SENP5: variants seen among roughly 807,000 people sequenced by gnomAD.
SENP5 encodes the protein sentrin-specific protease 5.
In SENP5, 21 loss-of-function variants were observed where a neutral mutation model predicts 74.2. The observed-to-expected ratio is 0.28, with a 90% CI of 0.20 to 0.41. The LOEUF (loss-of-function observed/expected upper bound fraction) is 0.41, where lower values mean the gene tolerates loss of function less well. SENP5 is among the 10% of genes least tolerant of loss of function. SENP5 has a pLI of 1.00. For missense variants in SENP5, 717 were observed against 889.1 expected (o/e 0.81, Z 2.46); for synonymous variants, 311 against 312.7 (o/e 0.99, Z 0.06).
chr3:196,873,133 G>A (rs1577787961), intron 1 of SENP5, among the ~76,000 whole-genome samples: 1 of 148,474 alleles, frequency 6.7e-6, no homozygotes, highest in African/African-American at 2.5e-5. Flanking sequence ...GAGTGCAGTG[G>A]CGTGAACTTG....
At chr3:196,898,047 G>A (rs1028877299) in intron 2 of SENP5, among the ~76,000 whole-genome samples, 20 of 151,330 alleles carry the variant, frequency 1.3e-4, no homozygotes, top group African/African-American at 4.6e-4. Flanking sequence ...GCGTGGTGGC[G>A]GGCGCCTGTA....
chr3:196,907,131 T>G (rs1714932781), intron 6 of SENP5, among the ~76,000 whole-genome samples: 1 of 152,084 alleles, frequency 6.6e-6, no homozygotes, highest in Non-Finnish European at 1.5e-5. Context: ...AAATTTAAAA[T>G]GTACAGTCAT....
At chr3:196,869,274 G>T (rs1463666706) in intron 1 of SENP5, among the ~76,000 whole-genome samples, 1 of 151,858 alleles carries the variant, frequency 6.6e-6, no homozygotes, top group Non-Finnish European at 1.5e-5. Flanking sequence ...GATCTTTTCA[G>T]CTCACTGCAA....
chr3:196,908,218 T>G, intron 6 of SENP5, among the ~76,000 whole-genome samples: 1 of 152,158 alleles, frequency 6.6e-6, no homozygotes, highest in East Asian at 1.9e-4. Context: ...AGGTCGAGGC[T>G]GCAGTGAACC....
intron 5 of SENP5, among the ~76,000 whole-genome samples, chr3:196,901,107 G>A (rs543350852): frequency 3.4e-5 from 5 of 148,516 alleles, no homozygotes; most frequent in African/African-American, 7.5e-5. Flanking sequence ...GTGTAGTGGC[G>A]TGGTCTTGGC....
chr3:196,929,684 G>A lies in SENP5; in HGVS notation c.2157+1G>A. ...TGACTGTGGAGTCTTTGTGCTCCAG[G>A]TAAAGAAACACTTGCTTTTCGGAAC... On this transcript the variant is annotated splice_donor_variant, in intron 9 of 9. Transcript: ENST00000323460. LOFTEE classifies it high-confidence loss of function. 6.2e-7 allele frequency: 1 copy of A among 1,605,456 alleles called. No individual in the cohort carries two copies.
chr3:196,903,398 C>A, intron 5 of SENP5, 135 bp from the exon 6 acceptor site: 1 of 535,822 alleles, frequency 1.9e-6, no homozygotes. Flanking sequence ...CCTCCTCAAT[C>A]ATTGTTTTTA....
Position 196,931,975 on chromosome 3 carries a change from G to T in SENP5, c.*1052G>T, listed in dbSNP as rs115784375. The T allele has an allele frequency of 9.2e-3, 4,109 of 446,092 alleles. 100 individuals are homozygous for T. The highest frequency in any genetic ancestry group is 0.062 in the African/African-American group (3,044 of 49,428). The allele number at this position is 446,092 out of a possible 1,614,324, so 27.6% of individuals were successfully genotyped here. ...TTAGTCCCATGGGAGCGCAGCAACC[G>T]TGTCAGGTTCTTTCTCCTGTCCCAT... On this transcript the variant is annotated 3_prime_UTR_variant, in exon 10 of 10. Coordinates refer to ENST00000323460, the MANE Select transcript of SENP5 (RefSeq NM_152699.5).
chr3:196,914,564 TAAAAAA>T (rs34724979), intron 6 of SENP5: 31 of 26,340 alleles, frequency 1.2e-3, no homozygotes, highest in African/African-American at 3.4e-3. Context: ...AGGTTTGCTT[TAAAAAA>T]AAAAAAAAAA....
chr3:196,884,337 C>G (rs2108815192), intron 1 of SENP5, among the ~76,000 whole-genome samples: 1 of 152,318 alleles, frequency 6.6e-6, no homozygotes, highest in South Asian at 2.1e-4. Flanking sequence ...CACAAGCATA[C>G]ACACATATAC....
At chr3:196,924,867 A>G (rs1715754127) in intron 7 of SENP5, among the ~76,000 whole-genome samples, 1 of 152,246 alleles carries the variant, frequency 6.6e-6, no homozygotes, top group African/African-American at 2.4e-5. Flanking sequence ...GAATAGCTAA[A>G]TACACTATGG....
chr3:196,915,964 T>C (rs914310497), intron 6 of SENP5, among the ~76,000 whole-genome samples: 1 of 152,076 alleles, frequency 6.6e-6, no homozygotes, highest in Non-Finnish European at 1.5e-5. Flanking sequence ...AAGTCCAAAC[T>C]GTGAAGATAG....
intron 1 of SENP5, among the ~76,000 whole-genome samples, chr3:196,871,725 C>G (rs910257463): frequency 1.3e-5 from 2 of 151,726 alleles, no homozygotes; most frequent in Non-Finnish European, 2.9e-5. Flanking sequence ...CATGGTGGCA[C>G]ACACTCGTAC....
chr3:196,874,004 G>GT (rs1015305946), intron 1 of SENP5, among the ~76,000 whole-genome samples: 14 of 151,694 alleles, frequency 9.2e-5, no homozygotes, highest in Admixed American at 2.6e-4. Context: ...TGCCTGGCTG[G>GT]TTTTTTCTTT....
intron 2 of SENP5, among the ~76,000 whole-genome samples, chr3:196,889,594 A>G (rs1328767060): frequency 6.6e-6 from 1 of 152,230 alleles, no homozygotes; most frequent in Non-Finnish European, 1.5e-5. Flanking sequence ...AAGAATATCA[A>G]TCAGAAGCCA....
At chr3:196,907,588 T>G (rs1318306520) in intron 6 of SENP5, among the ~76,000 whole-genome samples, 1 of 151,890 alleles carries the variant, frequency 6.6e-6, no homozygotes, top group Non-Finnish European at 1.5e-5. Flanking sequence ...AAGAATAAAG[T>G]CAAATATGTG....
intron 2 of SENP5, among the ~76,000 whole-genome samples, chr3:196,895,853 G>T (rs1269849178): frequency 6.6e-6 from 1 of 152,072 alleles, no homozygotes; most frequent in African/African-American, 2.4e-5. Flanking sequence ...GACACCTCAG[G>T]TTTTGTTTTT....
intron 1 of SENP5, among the ~76,000 whole-genome samples, chr3:196,875,778 A>G (rs140944127): frequency 2.0e-5 from 3 of 151,998 alleles, no homozygotes; most frequent in Non-Finnish European, 4.4e-5. Flanking sequence ...CACCCAAACT[A>G]GAGTACAGTG....
chr3:196,881,118 T>A (rs760005012), intron 1 of SENP5, among the ~76,000 whole-genome samples: 5 of 152,040 alleles, frequency 3.3e-5, no homozygotes, highest in Admixed American at 6.6e-5. Flanking sequence ...GGCTAATTTT[T>A]ATATTTCTTT....
Sources: gnomAD v4.1 joint callset for allele counts (sites outside exome capture counted in the v4.1 genomes callset) on GRCh38, gnomAD v4.1.1 for gene constraint, MANE v1.5 for transcripts, NCBI Gene and HGNC (gene_info 2026-07-23, HGNC 2026-07-21) for gene names.